Variants in HTR2A observed in about 807,000 individuals in gnomAD.
The protein encoded by HTR2A is 5-HT2 receptor.
A neutral mutation model predicts 31.0 loss-of-function variants in HTR2A; 14 were observed. The ratio of observed to expected loss-of-function variants is 0.45; its 90% confidence interval spans 0.30 to 0.71. HTR2A has a LOEUF of 0.71. Ranked by LOEUF, HTR2A falls within the 30% of genes least tolerant of loss-of-function variation. The pLI, the probability that HTR2A is intolerant of heterozygous loss-of-function variation, is 0.09. For synonymous variants in HTR2A, 209 were observed against 225.2 expected, an observed-to-expected ratio of 0.93 and a Z score of 0.64; for missense variants, 442 against 573.3, an observed-to-expected ratio of 0.77 and a Z score of 2.34.
intron 3 of HTR2A, among the ~76,000 whole-genome samples, chr13:46,855,309 ACTC>A (rs1459542824): frequency 2.0e-5 from 3 of 152,074 alleles, no homozygotes; most frequent in Non-Finnish European, 2.9e-5. Flanking sequence ...ACTCAAGGGA[ACTC>A]CTTCAGTTTT....
At chr13:46,886,370 A>G (rs1951006330) in intron 3 of HTR2A, among the ~76,000 whole-genome samples, 1 of 152,142 alleles carries the variant, frequency 6.6e-6, no homozygotes, top group African/African-American at 2.4e-5. Flanking sequence ...AAAATGAGCT[A>G]TTAAAATATA....
intron 3 of HTR2A, among the ~76,000 whole-genome samples, chr13:46,836,024 TTTTA>T (rs1168104258): frequency 1.3e-5 from 2 of 151,958 alleles, no homozygotes; most frequent in African/African-American, 2.4e-5. Context: ...ATGCTGTTCA[TTTTA>T]TTTATTTATA....
In HTR2A at chr13:46,892,413, A is replaced by G. The variant is rs757305952; in HGVS notation, c.590T>C (p.Ile197Thr). 1.2e-6 allele frequency: 2 copies of G among 1,614,246 alleles called. No homozygotes were observed. Residue 197 changes from isoleucine (I) to threonine (T), a missense_variant, in exon 3 of 4, where the codon ATT (isoleucine) becomes ACT (threonine). This residue lies in a region of HTR2A where 86 missense variants were observed against 179.1 expected (regional missense o/e 0.48). Transcript: ENST00000542664. The stretch of plus-strand genomic sequence containing the variant: ...ACCTACTGATATGGTCCAAACAGCA[A>G]TGATTTTCAGAAATGCCTTAGTTCT... ...NSRTKAFLKI[I>T]AVWTISVGIS...
At chr13:46,876,471 G>A (rs1292646305) in intron 3 of HTR2A, among the ~76,000 whole-genome samples, 24 of 139,378 alleles carry the variant, frequency 1.7e-4, no homozygotes, top group East Asian at 6.5e-4. Context: ...GTGCAGTGGC[G>A]CAATCTCAGC....
At chr13:46,866,893 G>C (rs1222773925) in intron 3 of HTR2A, among the ~76,000 whole-genome samples, 4 of 152,096 alleles carry the variant, frequency 2.6e-5, no homozygotes, top group Non-Finnish European at 5.9e-5. Flanking sequence ...TGGGTGTGGT[G>C]GTGGGCGCCT....
At chr13:46,868,708 C>G (rs1484558992) in intron 3 of HTR2A, among the ~76,000 whole-genome samples, 1 of 152,098 alleles carries the variant, frequency 6.6e-6, no homozygotes, top group Non-Finnish European at 1.5e-5. Context: ...CAAAGGAAGT[C>G]TAGGGCAGTT....
At chr13:46,889,695 A>G (rs1951035920) in intron 3 of HTR2A, among the ~76,000 whole-genome samples, 1 of 152,258 alleles carries the variant, frequency 6.6e-6, no homozygotes, top group Non-Finnish European at 1.5e-5. Flanking sequence ...GTTAGATCAT[A>G]TTTTAAAATT....
At chr13:46,844,784 T>C (rs1461369504) in intron 3 of HTR2A, among the ~76,000 whole-genome samples, 4 of 152,208 alleles carry the variant, frequency 2.6e-5, no homozygotes, top group African/African-American at 9.6e-5. Context: ...TGGGTGACCT[T>C]AGGCTGCTTA....
chr13:46,851,769 A>G (rs1950686404), intron 3 of HTR2A, among the ~76,000 whole-genome samples: 1 of 152,216 alleles, frequency 6.6e-6, no homozygotes, highest in Non-Finnish European at 1.5e-5. Flanking sequence ...TAGCCTGCTA[A>G]ATGTTTGAAT....
chr13:46,847,950 A>G (rs1206234267), intron 3 of HTR2A, among the ~76,000 whole-genome samples: 1 of 151,966 alleles, frequency 6.6e-6, no homozygotes, highest in Non-Finnish European at 1.5e-5. Flanking sequence ...TGTCTTACCC[A>G]CTGTTTCCTA....
In HTR2A at chr13:46,855,807, C is replaced by T. The variant is rs145313976; in HGVS notation, c.614-20168G>A. Reference sequence around the variant, plus strand: ...CTAGCCAGATCAGCTGATAGTAGGGCATATAAAGTTATGTTTAATGTGGTG... The same window carrying T: ...CTAGCCAGATCAGCTGATAGTAGGGTATATAAAGTTATGTTTAATGTGGTG... On this transcript the variant is annotated intron_variant, in intron 3 of 3. Transcript: ENST00000542664. 6.7e-3 allele frequency among the ~76,000 whole-genome samples: 1,022 copies of T among 152,250 alleles called. 6 individuals carry two copies. The highest frequency in any genetic ancestry group is 0.012 in the Non-Finnish European group (783 of 68,010).
At chr13:46,888,017 C>G (rs766793093) in intron 3 of HTR2A, among the ~76,000 whole-genome samples, 64 of 151,520 alleles carry the variant, frequency 4.2e-4, no homozygotes, top group Admixed American at 2.0e-3. Flanking sequence ...CCATGGCACA[C>G]GTTTACCCAT....
intron 3 of HTR2A, among the ~76,000 whole-genome samples, chr13:46,847,220 G>A (rs894061095): frequency 5.3e-5 from 8 of 152,192 alleles, no homozygotes; most frequent in African/African-American, 1.2e-4. Flanking sequence ...GGCAGTGAGC[G>A]GGGGTGCCTC....
At chr13:46,881,400 G>C (rs995044902) in intron 3 of HTR2A, among the ~76,000 whole-genome samples, 1 of 152,184 alleles carries the variant, frequency 6.6e-6, no homozygotes, top group Non-Finnish European at 1.5e-5. Flanking sequence ...TCTGTTCCTG[G>C]ATGCCAAGCC....
chr13:46,880,805 C>T (rs1950954831), intron 3 of HTR2A, among the ~76,000 whole-genome samples: 1 of 152,030 alleles, frequency 6.6e-6, no homozygotes, highest in African/African-American at 2.4e-5. Flanking sequence ...TGCCACTGCA[C>T]TCCAGCCTGG....
intron 3 of HTR2A, among the ~76,000 whole-genome samples, chr13:46,848,448 T>C (rs531241347): frequency 2.0e-5 from 3 of 152,308 alleles, no homozygotes; most frequent in East Asian, 3.9e-4. Flanking sequence ...TGAGTCAAGG[T>C]AGAACTGTTA....
intron 3 of HTR2A, among the ~76,000 whole-genome samples, chr13:46,851,207 C>A (rs544443098): frequency 6.6e-6 from 1 of 152,302 alleles, no homozygotes; most frequent in South Asian, 2.1e-4. Flanking sequence ...AGTTTCATAT[C>A]TTCATAGTTC....
intron 3 of HTR2A, among the ~76,000 whole-genome samples, chr13:46,850,478 C>A (rs1368570636): frequency 2.0e-5 from 3 of 152,236 alleles, no homozygotes. Context: ...TTTTGAGCCA[C>A]AGCCTGGCTC....
At chr13:46,845,653 A>AG (rs1566301809) in intron 3 of HTR2A, among the ~76,000 whole-genome samples, 1 of 151,396 alleles carries the variant, frequency 6.6e-6, no homozygotes, top group African/African-American at 2.4e-5. Flanking sequence ...CAAAAAAAAA[A>AG]AAAAAAAGAA....
Sources: gnomAD v4.1 joint callset for allele counts (sites outside exome capture counted in the v4.1 genomes callset) on GRCh38, gnomAD v4.1.1 for gene constraint, gnomAD v4.1.1 regional missense constraint, MANE v1.5 for transcripts, NCBI Gene and HGNC (gene_info 2026-07-23, HGNC 2026-07-21) for gene names.